Variants in APOM observed in about 807,000 individuals in gnomAD.
APOM encodes apolipoprotein M, also known as NG20-like protein.
A neutral mutation model predicts 23.5 loss-of-function variants in APOM; 24 were observed. That is an observed-to-expected ratio of 1.02 (90% CI 0.74 to 1.44). The LOEUF (loss-of-function observed/expected upper bound fraction) is 1.44. Among genes scored for constraint, APOM ranks in the 40% most tolerant of loss-of-function variants. The probability of loss-of-function intolerance (pLI) is 0.00; values close to 1 mark genes in which losing one functional copy is unlikely to be tolerated. For synonymous variants in APOM, 82 were observed against 84.1 expected, an observed-to-expected ratio of 0.97 and a Z score of 0.14; for missense variants, 200 against 233.2, an observed-to-expected ratio of 0.86 and a Z score of 0.93.
Position 31,657,309 on chromosome 6 carries a change from C to G in APOM, c.343+11C>G, listed in dbSNP as rs1800204992. 6.2e-7 allele frequency: 1 copy of G among 1,613,096 alleles called. No homozygotes were observed. The highest frequency in any genetic ancestry group is 8.5e-7 in the Non-Finnish European group (1 of 1,180,018). ...ATCTCAGAACTGAAGGTTGGTTCTTCCCAGCCCTCACCCTCCCTTGAGTTT... is the reference window on the plus strand; with the variant it reads ...ATCTCAGAACTGAAGGTTGGTTCTTGCCAGCCCTCACCCTCCCTTGAGTTT... On this transcript the variant is annotated intron_variant, in intron 3 of 5. Coordinates refer to ENST00000375916, the MANE Select transcript of APOM (RefSeq NM_019101.3).
chr6:31,657,568 G>A (rs1485019559), intron 4 of APOM, 57 bp from the exon 5 acceptor site: 2 of 1,600,164 alleles, frequency 1.2e-6, no homozygotes, highest in African/African-American at 2.7e-5. Flanking sequence ...ACCCTCCCAG[G>A]AAGAGCTAGG....
chr6:31,656,371 A>G, intron 1 of APOM, 101 bp from the exon 2 acceptor site: 3 of 1,293,390 alleles, frequency 2.3e-6, no homozygotes, highest in African/African-American at 3.0e-5. Flanking sequence ...GAAGGCAGCC[A>G]ACACCTCTAC....
At chr6:31,653,070 T>C (rs893308429), upstream of APOM, among the ~76,000 whole-genome samples, 20 of 152,166 alleles carry the variant, frequency 1.3e-4, no homozygotes, top group Non-Finnish European at 2.2e-4. Flanking sequence ...TAGATTTCGG[T>C]TCTGCCGGGT....
chr6:31,655,532 T>A (rs946008700), upstream of APOM: 1 of 155,024 alleles, frequency 6.5e-6, no homozygotes, highest in African/African-American at 2.4e-5. Context: ...ATTCGTTTTT[T>A]TATGTCCCCG....
At position 31,657,400 on chromosome 6, in the gene APOM, G is replaced by T. The variant is rs1318603978; in HGVS notation, c.364G>T (p.Glu122Ter). Residue 122 changes from glutamate to a stop codon, truncating the protein, a stop_gained, in exon 4 of 6, where the codon GAG becomes TAG. Transcript: ENST00000375916. LOFTEE classifies it high-confidence loss of function. ...RTEGRPDMKT[E>*]LFSSSCPGGI... ...GACAGGCCGCCCTGACATGAAGACT[G>T]AGCTCTTTTCCAGCTCATGCCCAGG... 1.9e-6 allele frequency: 3 copies of T among 1,612,956 alleles called. No individual in the cohort carries two copies. Among genetic ancestry groups the T allele is most frequent in the Non-Finnish European group, 2.5e-6 (3 of 1,180,054 alleles).
Position 31,657,371 on chromosome 6 carries a change from C to T in APOM, c.344-9C>T. ...TCTGTTCTCATACTTCTCCCACCTG[C>T]CTTGACAGGCCGCCCTGACATGAAG... On this transcript the variant is annotated splice_polypyrimidine_tract_variant and intron_variant, in intron 3 of 5. Coordinates refer to ENST00000375916, the MANE Select transcript of APOM (RefSeq NM_019101.3). 3 of 1,613,088 alleles carry T rather than the reference C, an allele frequency of 1.9e-6. No homozygotes were observed. The highest frequency in any genetic ancestry group is 2.5e-6 in the Non-Finnish European group (3 of 1,180,028).
chr6:31,654,063 G>A (rs185561010), upstream of APOM, among the ~76,000 whole-genome samples: 61 of 152,076 alleles, frequency 4.0e-4, no homozygotes, highest in African/African-American at 1.4e-3. Context: ...TGGCCAAAAT[G>A]GTGAAACCCC....
chr6:31,658,054 C>T lies in APOM; in HGVS notation c.542-10C>T. The T allele has an allele frequency of 6.2e-7, 1 of 1,614,128 alleles. No homozygotes were observed. Among genetic ancestry groups the T allele is most frequent in the South Asian group, 1.1e-5 (1 of 91,080 alleles). ...CCTTCTGTCCTTCTTTTTCCCTCCC[C>T]CCATCACAGAGGCCTGTGAGCTGTC... On this transcript the variant is annotated splice_polypyrimidine_tract_variant and intron_variant, in intron 5 of 5. Transcript: ENST00000375916.
chr6:31,656,265 G>A (rs2151142832), intron 1 of APOM, among the ~76,000 whole-genome samples, 185 bp downstream of exon 1: 1 of 152,230 alleles, frequency 6.6e-6, no homozygotes, highest in South Asian at 2.1e-4. Context: ...GCAGAATTGG[G>A]GGGTGGGGTG....
At chr6:31,657,794 G>A (rs754587717) in intron 5 of APOM, 71 bp downstream of exon 5, 3 of 1,383,718 alleles carry the variant, frequency 2.2e-6, no homozygotes, top group Non-Finnish European at 3.1e-6. Flanking sequence ...GGTGAAAGAG[G>A]CTCGTGTGAT....
upstream of APOM, chr6:31,655,744 A>G (rs893396998): frequency 7.8e-6 from 4 of 513,676 alleles, no homozygotes; most frequent in African/African-American, 1.9e-5. Flanking sequence ...AACCCTGGAC[A>G]TGCCAGGGTG....
upstream of APOM, chr6:31,652,590 G>C (rs79489519): frequency 6.6e-6 from 1 of 152,390 alleles, no homozygotes; most frequent in Admixed American, 6.5e-5. Context: ...GGCCGGCCTA[G>C]GTGGGAGGGA....
intron 5 of APOM, 142 bp from the exon 6 acceptor site, chr6:31,657,922 T>G: frequency 2.0e-6 from 2 of 1,005,996 alleles, no homozygotes; most frequent in Non-Finnish European, 3.1e-6. Flanking sequence ...CAGAGGGTCA[T>G]ACGTGGAGGG....
chr6:31,655,102 G>A (rs957590081), upstream of APOM, among the ~76,000 whole-genome samples: 1 of 152,092 alleles, frequency 6.6e-6, no homozygotes, highest in East Asian at 1.9e-4. Context: ...CCACCACATC[G>A]GCTAATTTTT....
chr6:31,656,537 G>A lies in APOM; in HGVS notation c.180G>A (p.Leu60=). The change falls in exon 2 of 6, where the codon TTG becomes TTA. Residue 60 remains leucine, a synonymous_variant. Transcript: ENST00000375916. ...IAGAAPTKEE[L]ATFDPVDNIV... is the part of the protein sequence containing the mutation. ...GGGCAGCTCCCACCAAGGAGGAGTT[G>A]GCAACTTTTGACCCTGTGGACAACA... 1 of 1,614,130 alleles carries A rather than the reference G, an allele frequency of 6.2e-7. No homozygotes were observed. The highest frequency in any genetic ancestry group is 8.5e-7 in the Non-Finnish European group (1 of 1,180,032).
intron 5 of APOM, 124 bp from the exon 6 acceptor site, chr6:31,657,940 C>A: frequency 2.7e-6 from 3 of 1,097,834 alleles, no homozygotes; most frequent in Non-Finnish European, 2.8e-6. Flanking sequence ...GGGAAAAGAG[C>A]CTTAGAGACT....
upstream of APOM, among the ~76,000 whole-genome samples, chr6:31,653,839 T>G (rs1799474842): frequency 6.6e-6 from 1 of 152,122 alleles, no homozygotes; most frequent in South Asian, 2.1e-4. Context: ...CCACCACACC[T>G]GGCTAATTTT....
At position 31,657,462 on chromosome 6, in the gene APOM, G is replaced by A. The variant is rs1800235077; in HGVS notation, c.426G>A (p.Gln142=). Residue 142 remains glutamine (Q), a synonymous_variant, in exon 4 of 6, where the codon CAG becomes CAA. Coordinates refer to ENST00000375916, the MANE Select transcript of APOM (RefSeq NM_019101.3). The part of the protein sequence containing the change: ...IMLNETGQGY[Q]RFLLYNRSPH... The stretch of plus-strand genomic sequence containing the variant: ...TGAATGAGACAGGCCAGGGTTACCA[G>A]CGCTTTCTCCTCTACAGTGAGTAGG... The A allele has an allele frequency of 1.2e-6, 2 of 1,612,878 alleles. No homozygotes were observed. Among genetic ancestry groups the A allele is most frequent in the Non-Finnish European group, 8.5e-7 (1 of 1,180,046 alleles).
At chr6:31,656,673 A>G (rs1248144841) in intron 2 of APOM, 47 bp downstream of exon 2, 3 of 1,590,128 alleles carry the variant, frequency 1.9e-6, no homozygotes, top group South Asian at 2.3e-5. Context: ...GTCTCTGCCC[A>G]AAGTGTGAGA....
Sources: gnomAD v4.1 joint callset for allele counts (sites outside exome capture counted in the v4.1 genomes callset) on GRCh38, gnomAD v4.1.1 for gene constraint, MANE v1.5 for transcripts, NCBI Gene and HGNC (gene_info 2026-07-23, HGNC 2026-07-21) for gene names.